TMEM131L: variants seen among roughly 807,000 people sequenced by gnomAD.
TMEM131L encodes the protein transmembrane protein 131-like.
TMEM131L carries 54 observed loss-of-function variants against 192.2 expected under a neutral mutation model. That is an observed-to-expected ratio of 0.28 (90% CI 0.23 to 0.35). The LOEUF (loss-of-function observed/expected upper bound fraction) is 0.35, where lower values mean the gene tolerates loss of function less well. Among genes scored for constraint, TMEM131L ranks in the 10% least tolerant of loss-of-function variants. TMEM131L has a pLI of 1.00. For synonymous variants in TMEM131L, 701 were observed against 704.9 expected (o/e 0.99, Z 0.09); for missense variants, 1,888 against 1,972.9 (o/e 0.96, Z 0.82).
At chr4:153,497,827 T>C (rs1372573035) in intron 3 of TMEM131L, among the ~76,000 whole-genome samples, 1 of 148,176 alleles carries the variant, frequency 6.7e-6, no homozygotes, top group Non-Finnish European at 1.5e-5. Context: ...TTGTGTAACA[T>C]GTATCTCACA....
chr4:153,512,759 T>G (rs1272434387), intron 3 of TMEM131L, among the ~76,000 whole-genome samples: 2 of 152,066 alleles, frequency 1.3e-5, no homozygotes, highest in African/African-American at 2.4e-5. Context: ...GACTACAGGC[T>G]CGAGCCACCA....
chr4:153,542,491 C>T (rs1049257949), intron 3 of TMEM131L, among the ~76,000 whole-genome samples: 1 of 152,282 alleles, frequency 6.6e-6, no homozygotes, highest in East Asian at 1.9e-4. Context: ...ATTCAGCCAC[C>T]CCACAGCCAG....
At chr4:153,526,345 A>C (rs752142023) in intron 3 of TMEM131L, among the ~76,000 whole-genome samples, 21 of 152,090 alleles carry the variant, frequency 1.4e-4, no homozygotes, top group Admixed American at 2.0e-4. Context: ...CCCTAACTTC[A>C]AGTTTCCAAC....
At chr4:153,524,853 C>T (rs1182608846) in intron 3 of TMEM131L, among the ~76,000 whole-genome samples, 3 of 152,148 alleles carry the variant, frequency 2.0e-5, no homozygotes, top group East Asian at 1.9e-4. Flanking sequence ...TGTGCAGTGT[C>T]GCCATTGCTG....
At chr4:153,545,508 C>T (rs974533249) in intron 3 of TMEM131L, among the ~76,000 whole-genome samples, 5 of 152,002 alleles carry the variant, frequency 3.3e-5, no homozygotes, top group Admixed American at 6.6e-5. Flanking sequence ...AAGATGGTCT[C>T]GATCTCCTGA....
chr4:153,545,584 G>A (rs1329161293), intron 3 of TMEM131L, among the ~76,000 whole-genome samples: 2 of 152,068 alleles, frequency 1.3e-5, no homozygotes, highest in Non-Finnish European at 2.9e-5. Flanking sequence ...ACCGTGCCAG[G>A]CCCAAACTGT....
At chr4:153,485,097 C>T (rs1349220039) in intron 3 of TMEM131L, among the ~76,000 whole-genome samples, 5 of 126,290 alleles carry the variant, frequency 4.0e-5, no homozygotes, top group South Asian at 2.5e-4. Context: ...CTGACCTGGG[C>T]GAAAGAGCGA....
chr4:153,550,198 A>T, intron 4 of TMEM131L, 57 bp downstream of exon 4: 1 of 725,556 alleles, frequency 1.4e-6, no homozygotes, highest in Non-Finnish European at 2.2e-6. Context: ...TTATTTTCAG[A>T]ATTTTTTTTA....
At chr4:153,533,554 C>G (rs886148264) in intron 3 of TMEM131L, among the ~76,000 whole-genome samples, 2 of 152,196 alleles carry the variant, frequency 1.3e-5, no homozygotes, top group Non-Finnish European at 2.9e-5. Flanking sequence ...GCTGCAATAA[C>G]CAATGTTGCT....
At chr4:153,609,230 T>C (rs1732447623) in intron 25 of TMEM131L, among the ~76,000 whole-genome samples, 1 of 152,166 alleles carries the variant, frequency 6.6e-6, no homozygotes, top group Non-Finnish European at 1.5e-5. Context: ...AACACAGTTA[T>C]GGTGGAGGGG....
In TMEM131L at chr4:153,557,087, G is replaced by A. The variant is rs1229260456; in HGVS notation, c.549+5G>A. The stretch of plus-strand genomic sequence containing the variant: ...TATGGAGTCCTTTCCTATCATGTGA[G>A]TAACTTTTTCCTTTTGTCACAACTT... On this transcript the variant is annotated splice_donor_5th_base_variant and intron_variant, in intron 6 of 34. Coordinates refer to ENST00000409959, the MANE Select transcript of TMEM131L (RefSeq NM_001131007.2). 7.6e-7 allele frequency: 1 copy of A among 1,316,668 alleles called. No individual in the cohort carries two copies. The highest frequency in any genetic ancestry group is 1.2e-5 in the South Asian group (1 of 82,952). 81.6% of individuals were successfully genotyped at this position (1,316,668 alleles called of 1,614,324 possible).
At chr4:153,593,293 T>C (rs1172404146) in intron 18 of TMEM131L, among the ~76,000 whole-genome samples, 2 of 152,092 alleles carry the variant, frequency 1.3e-5, no homozygotes, top group East Asian at 1.9e-4. Context: ...TTGGACCAGA[T>C]GGTTCTACCA....
intron 3 of TMEM131L, among the ~76,000 whole-genome samples, chr4:153,493,345 C>CAAAAAAAAAAAAA (rs35052272): frequency 1.4e-5 from 1 of 72,876 alleles, no homozygotes; most frequent in African/African-American, 6.6e-5. Flanking sequence ...GACTCTGTCT[C>CAAAAAAAAAAAAA]AAAAAAAAAA....
At chr4:153,629,095 T>C (rs1734043879) in intron 31 of TMEM131L, among the ~76,000 whole-genome samples, 1 of 152,140 alleles carries the variant, frequency 6.6e-6, no homozygotes, top group Admixed American at 6.5e-5. Flanking sequence ...CCCCACCTGC[T>C]CCTGTGCAGG....
At chr4:153,546,016 G>A (rs1391524288) in intron 3 of TMEM131L, among the ~76,000 whole-genome samples, 1 of 151,986 alleles carries the variant, frequency 6.6e-6, no homozygotes, top group Non-Finnish European at 1.5e-5. Context: ...CTCAGTAGTT[G>A]GGACTACCAG....
chr4:153,559,591 A>G (rs888486388), intron 7 of TMEM131L, among the ~76,000 whole-genome samples: 17 of 152,130 alleles, frequency 1.1e-4, no homozygotes, highest in Admixed American at 3.9e-4. Flanking sequence ...GAGCTAGAAC[A>G]GCGTACCCAT....
intron 3 of TMEM131L, among the ~76,000 whole-genome samples, chr4:153,496,113 AT>A (rs1733153118): frequency 6.6e-6 from 1 of 152,206 alleles, no homozygotes. Context: ...CTTTAAAATA[AT>A]CCCATTCAGA....
chr4:153,549,508 T>G (rs1480304585), intron 3 of TMEM131L, among the ~76,000 whole-genome samples: 1 of 152,242 alleles, frequency 6.6e-6, no homozygotes, highest in African/African-American at 2.4e-5. Flanking sequence ...TTTTGATATG[T>G]TTTTCTGCTA....
At chr4:153,569,872 G>A (rs1022302034) in intron 7 of TMEM131L, among the ~76,000 whole-genome samples, 1 of 152,090 alleles carries the variant, frequency 6.6e-6, no homozygotes, top group Non-Finnish European at 1.5e-5. Context: ...ATGAAACTCC[G>A]GGAGAACTTT....
Sources: allele counts gnomAD v4.1 joint callset (sites outside exome capture counted in the v4.1 genomes callset), GRCh38; gene constraint gnomAD v4.1.1; transcripts MANE v1.5; gene names NCBI Gene and HGNC (gene_info 2026-07-23, HGNC 2026-07-21).